NPAT: variants seen among roughly 807,000 people sequenced by gnomAD.
The protein encoded by NPAT is nuclear protein, coactivator of histone transcription.
NPAT carries 52 observed loss-of-function variants against 130.7 expected under a neutral mutation model. That is an observed-to-expected ratio of 0.40 (90% CI 0.32 to 0.50). The LOEUF is 0.50. Among genes scored for constraint, NPAT ranks in the 20% least tolerant of loss-of-function variants. The pLI, the probability that NPAT is intolerant of heterozygous loss-of-function variation, is 0.68. For missense variants in NPAT, 1,687 were observed against 1,662.6 expected (o/e 1.01, Z -0.26); for synonymous variants, 580 against 584.8 (o/e 0.99, Z 0.12).
intron 1 of NPAT, among the ~76,000 whole-genome samples, chr11:108,222,264 A>AGCTTCCCCTCGG (rs1170327338): frequency 1.3e-5 from 2 of 152,028 alleles, no homozygotes; most frequent in African/African-American, 4.8e-5. Context: ...TTCCACCCCG[A>AGCTTCCCCTCGG]GCTTCCCCTC....
chr11:108,196,388 A>C (rs887639385), intron 2 of NPAT, among the ~76,000 whole-genome samples: 5 of 152,238 alleles, frequency 3.3e-5, no homozygotes, highest in Admixed American at 6.5e-5. Context: ...TGAGTCCTCC[A>C]AGTTGTTCTT....
intron 1 of NPAT, among the ~76,000 whole-genome samples, chr11:108,211,180 C>A (rs1314360931): frequency 2.0e-5 from 3 of 151,706 alleles, no homozygotes; most frequent in Non-Finnish European, 4.4e-5. Flanking sequence ...CGCGCCACTG[C>A]ATTCCAGCTT....
At chr11:108,219,282 C>G (rs555675711) in intron 1 of NPAT, among the ~76,000 whole-genome samples, 2 of 152,314 alleles carry the variant, frequency 1.3e-5, no homozygotes, top group African/African-American at 4.8e-5. Context: ...TCAGACAAGT[C>G]TTCCACGTTC....
At chr11:108,163,424 G>C (rs1245058585) in intron 15 of NPAT, among the ~76,000 whole-genome samples, 1 of 152,112 alleles carries the variant, frequency 6.6e-6, no homozygotes. Flanking sequence ...ATAGGTTTAT[G>C]TCTTTGGAAG....
At chr11:108,175,827 CATT>C (rs1327230623) in intron 12 of NPAT, among the ~76,000 whole-genome samples, 2 of 152,158 alleles carry the variant, frequency 1.3e-5, no homozygotes, top group African/African-American at 4.8e-5. Flanking sequence ...AACTGAACAA[CATT>C]AATACTAAAT....
chr11:108,159,592 T>C lies in NPAT; in HGVS notation c.4207-573A>G, dbSNP rs74596447. 6.3e-3 allele frequency among the ~76,000 whole-genome samples: 963 copies of C among 152,272 alleles called. 9 individuals are homozygous for C. Among genetic ancestry groups the C allele is most frequent in the African/African-American group, 0.018 (733 of 41,550 alleles). On this transcript the variant is annotated intron_variant, in intron 17 of 17. Transcript: ENST00000278612. ...TTTCCCTGATACCATACTTCCTCTA[T>C]GATATTTTAAGCACTTTCTTTCTAT...
chr11:108,186,468 G>A lies in NPAT; in HGVS notation c.726+14C>T. ...GGAATATTTTAAGTTGCAAAGTTTG[G>A]CAGAGTCACTTACTTTTTCTACTGC... On this transcript the variant is annotated intron_variant, in intron 8 of 17. Transcript: ENST00000278612. The A allele has an allele frequency of 6.2e-7, 1 of 1,605,332 alleles. No individual in the cohort carries two copies. The highest frequency in any genetic ancestry group is 8.5e-7 in the Non-Finnish European group (1 of 1,172,172).
Position 108,158,447 on chromosome 11 carries a change from A to G in NPAT, c.*495T>C, listed in dbSNP as rs2077815426. On this transcript the variant is annotated 3_prime_UTR_variant, in exon 18 of 18. Coordinates refer to ENST00000278612, the MANE Select transcript of NPAT (RefSeq NM_002519.3). ...TAATTAGATATTTTGCTATCAGTTGAGGTGGTTATTATTTTGTAGTACTTA... is the reference window on the plus strand; with the variant it reads ...TAATTAGATATTTTGCTATCAGTTGGGGTGGTTATTATTTTGTAGTACTTA... 1 of 154,082 alleles carries G rather than the reference A, an allele frequency of 6.5e-6. No individual in the cohort carries two copies. The highest frequency in any genetic ancestry group is 2.4e-5 in the African/African-American group (1 of 41,472). The allele number at this position is 154,082 out of a possible 1,614,324, so 9.5% of individuals were successfully genotyped here.
intron 16 of NPAT, 41 bp from the exon 17 acceptor site, chr11:108,162,055 G>T: frequency 6.2e-7 from 1 of 1,612,172 alleles, no homozygotes; most frequent in Non-Finnish European, 8.5e-7. Context: ...GCAGCATAAA[G>T]AAATCCTTTA....
Position 108,172,954 on chromosome 11 carries a change from C to A in NPAT, c.2030G>T (p.Gly677Val), listed in dbSNP as rs2077968142. Residue 677 changes from glycine (G) to valine (V), a missense_variant, in exon 13 of 18, where the codon GGT (glycine) becomes GTT (valine). Physicochemically the swap from Gly to Val is moderately radical, Grantham distance 109. Around this residue, in one of 3 missense-constraint regions of NPAT, gnomAD observed 1,379 missense variants for 1,346.6 expected, o/e 1.02. Coordinates refer to ENST00000278612, the MANE Select transcript of NPAT (RefSeq NM_002519.3). The stretch of plus-strand genomic sequence containing the variant: ...AACTTTCTCACAGTTAGCATTTCCA[C>A]CTAAAGAGAGAAAAATAGTATTCTC... Reference protein sequence around the residue: ...KEENTIFLSLGGNANCEKVAL... With the variant: ...KEENTIFLSLVGNANCEKVAL... The A allele has an allele frequency of 6.2e-7, 1 of 1,614,086 alleles. No homozygotes were observed. The highest frequency in any genetic ancestry group is 2.2e-5 in the East Asian group (1 of 44,876).
chr11:108,214,513 C>G (rs1430146101), intron 1 of NPAT, among the ~76,000 whole-genome samples: 1 of 152,020 alleles, frequency 6.6e-6, no homozygotes, highest in African/African-American at 2.4e-5. Context: ...ATTGAAATTA[C>G]TGGTGATATC....
intron 4 of NPAT, among the ~76,000 whole-genome samples, chr11:108,191,473 G>A (rs2078168591): frequency 6.6e-6 from 1 of 152,114 alleles, no homozygotes; most frequent in Non-Finnish European, 1.5e-5. Flanking sequence ...CTCGAGTCAG[G>A]AAAGAGAAAT....
At chr11:108,184,119 T>C (rs1268853725) in intron 10 of NPAT, among the ~76,000 whole-genome samples, 1 of 152,232 alleles carries the variant, frequency 6.6e-6, no homozygotes, top group African/African-American at 2.4e-5. Flanking sequence ...CTTCTCTTAG[T>C]ATTAAGCCTC....
chr11:108,208,399 G>A (rs746807204), intron 1 of NPAT: 7 of 453,710 alleles, frequency 1.5e-5, no homozygotes, highest in Non-Finnish European at 3.1e-5. Context: ...AGACCATCCC[G>A]GGAAACCTAG....
At position 108,172,480 on chromosome 11, in the gene NPAT, A is replaced by T. The variant is rs752986859; in HGVS notation, c.2504T>A (p.Phe835Tyr). ...AACACATGGTGTAACATTAGCTGAA[A>T]AAGCAATGCCATCTTCATTCTGAGT... ...NNTQNEDGIA[F>Y]SANVTPCVSK... is the part of the protein sequence containing the mutation. Residue 835 changes from phenylalanine to tyrosine, a missense_variant, in exon 13 of 18, where the codon TTT becomes TAT. Physicochemically the swap from Phe to Tyr is conservative, Grantham distance 22 (BLOSUM62 3). Transcript: ENST00000278612. 1 of 1,614,084 alleles carries T rather than the reference A, an allele frequency of 6.2e-7. No individual in the cohort carries two copies. Among genetic ancestry groups the T allele is most frequent in the Non-Finnish European group, 8.5e-7 (1 of 1,180,030 alleles).
chr11:108,180,135 T>G (rs1204878503), intron 10 of NPAT, among the ~76,000 whole-genome samples: 1 of 152,164 alleles, frequency 6.6e-6, no homozygotes, highest in Non-Finnish European at 1.5e-5. Flanking sequence ...TAGATCAGCC[T>G]GGCCAACATG....
intron 13 of NPAT, among the ~76,000 whole-genome samples, chr11:108,170,636 TA>T (rs1345254869): frequency 6.6e-6 from 1 of 152,228 alleles, no homozygotes; most frequent in Non-Finnish European, 1.5e-5. Flanking sequence ...GTCCTGTCCA[TA>T]AACAAACTTT....
rs756080124 is a variant in NPAT, at chr11:108,172,481, A to T, written c.2503T>A (p.Phe835Ile). The T allele has an allele frequency of 6.2e-7, 1 of 1,614,178 alleles. No individual in the cohort carries two copies. Among genetic ancestry groups the T allele is most frequent in the South Asian group, 1.1e-5 (1 of 91,084 alleles). The change falls in exon 13 of 18, where the codon TTT (phenylalanine) becomes ATT (isoleucine). Residue 835 changes from phenylalanine (F) to isoleucine (I), a missense_variant. Physicochemically the swap from Phe to Ile is conservative, Grantham distance 21 (BLOSUM62 0). This residue lies in a region of NPAT where 1,379 missense variants were observed against 1,346.6 expected (regional missense o/e 1.02). Coordinates refer to ENST00000278612, the MANE Select transcript of NPAT (RefSeq NM_002519.3). Reference protein sequence around the residue: ...NNTQNEDGIAFSANVTPCVSK... With the variant: ...NNTQNEDGIAISANVTPCVSK... Reference sequence around the variant, plus strand: ...ACACATGGTGTAACATTAGCTGAAAAAGCAATGCCATCTTCATTCTGAGTA... The same window carrying T: ...ACACATGGTGTAACATTAGCTGAAATAGCAATGCCATCTTCATTCTGAGTA...
At chr11:108,183,758 G>C (rs2078078713) in intron 10 of NPAT, among the ~76,000 whole-genome samples, 1 of 152,130 alleles carries the variant, frequency 6.6e-6, no homozygotes, top group Non-Finnish European at 1.5e-5. Flanking sequence ...TCGTGCCACT[G>C]CACTCCAGCC....
Sources: gnomAD v4.1 joint callset for allele counts (sites outside exome capture counted in the v4.1 genomes callset) on GRCh38, gnomAD v4.1.1 for gene constraint, gnomAD v4.1.1 regional missense constraint, MANE v1.5 for transcripts, NCBI Gene and HGNC (gene_info 2026-07-23, HGNC 2026-07-21) for gene names.